The following SV2B variants were observed in gnomAD, a reference collection of about 807,000 sequenced individuals.
SV2B encodes solute carrier family 22 member B2.
SV2B carries 41 observed loss-of-function variants against 73.9 expected under a neutral mutation model. That is an observed-to-expected ratio of 0.56 (90% confidence interval 0.43 to 0.72). The LOEUF (loss-of-function observed/expected upper bound fraction) is 0.72, where lower values mean the gene tolerates loss of function less well. Ranked by LOEUF, SV2B falls within the 30% of genes least tolerant of loss-of-function variation. The pLI, the probability that SV2B is intolerant of heterozygous loss-of-function variation, is 0.00. For synonymous variants in SV2B, 314 were observed against 314.2 expected (o/e 1.00, Z 0.01); for missense variants, 764 against 857.8 (o/e 0.89, Z 1.37).
At chr15:91,114,182 T>C (rs2042114070) in intron 1 of SV2B, among the ~76,000 whole-genome samples, 1 of 39,668 alleles carries the variant, frequency 2.5e-5, no homozygotes, top group African/African-American at 1.3e-4. Flanking sequence ...AGACTCCATC[T>C]CAAAAAAAAA....
intron 1 of SV2B, among the ~76,000 whole-genome samples, chr15:91,191,151 C>T (rs113473179): frequency 0.083 from 12,021 of 144,648 alleles, 757 homozygotes; most frequent in African/African-American, 0.17. Context: ...CTGCAACCTC[C>T]GCCTCCCGGG....
chr15:91,175,027 T>C (rs1454776711), intron 1 of SV2B, among the ~76,000 whole-genome samples: 3 of 152,196 alleles, frequency 2.0e-5, no homozygotes, highest in Admixed American at 2.0e-4. Flanking sequence ...GCTATGTCGC[T>C]ATATGGGAGC....
At position 91,252,367 on chromosome 15, in the gene SV2B, A is replaced by G; in HGVS notation, c.633-2A>G. On this transcript the variant is annotated splice_acceptor_variant, in intron 3 of 12. Coordinates refer to ENST00000394232, the MANE Select transcript of SV2B (RefSeq NM_001323032.3). LOFTEE classifies it high-confidence loss of function. This position sits in a 1 kb window ranked among gnomAD's most constrained non-coding sequence, Gnocchi z 4.6. Reference sequence around the variant, plus strand: ...TTTCTCTCTGGCATTTTTCCTTTGCAGTATTGGGGGTGCTCTACCGATTGT... The same window carrying G: ...TTTCTCTCTGGCATTTTTCCTTTGCGGTATTGGGGGTGCTCTACCGATTGT... The G allele has an allele frequency of 6.3e-7, 1 of 1,598,652 alleles. No individual in the cohort carries two copies. The highest frequency in any genetic ancestry group is 8.5e-7 in the Non-Finnish European group (1 of 1,173,178).
chr15:91,188,707 C>G (rs1407791123), intron 1 of SV2B, among the ~76,000 whole-genome samples: 1 of 152,110 alleles, frequency 6.6e-6, no homozygotes, highest in Non-Finnish European at 1.5e-5. Flanking sequence ...TCTGAACACT[C>G]TTATTTTTAT....
At chr15:91,108,860 G>A (rs1239992225) in intron 1 of SV2B, among the ~76,000 whole-genome samples, 1 of 152,190 alleles carries the variant, frequency 6.6e-6, no homozygotes, top group East Asian at 1.9e-4. Flanking sequence ...ACCCACACCT[G>A]GGTTCCCTGC....
Position 91,226,652 on chromosome 15 carries a change from G to A in SV2B, c.389G>A (p.Ser130Asn), listed in dbSNP as rs766842438. The A allele has an allele frequency of 2.5e-6, 4 of 1,613,832 alleles. No individual in the cohort carries two copies. The African/African-American group carries it at 5.3e-5, about 22-fold the overall frequency. ...MADGVEVFVV[S>N]FALPSAEKDM... is the part of the protein sequence containing the mutation. Reference sequence around the variant, plus strand: ...GATGGGGTGGAAGTGTTCGTGGTGAGTTTTGCCCTGCCCAGTGCAGAGAAG... The same window carrying A: ...GATGGGGTGGAAGTGTTCGTGGTGAATTTTGCCCTGCCCAGTGCAGAGAAG... The change falls in exon 2 of 13, where the codon AGT (serine) becomes AAT (asparagine). Residue 130 changes from serine to asparagine, a missense_variant. Ser to Asn is a conservative substitution (Grantham distance 46). Transcript: ENST00000394232.
intron 2 of SV2B, among the ~76,000 whole-genome samples, chr15:91,247,146 C>G (rs957895239): frequency 3.3e-5 from 5 of 152,118 alleles, no homozygotes; most frequent in African/African-American, 4.8e-5. Flanking sequence ...CTCTCTGGTA[C>G]CTCCATGACC....
intron 1 of SV2B, among the ~76,000 whole-genome samples, chr15:91,182,869 C>A (rs1461154986): frequency 6.6e-6 from 1 of 152,202 alleles, no homozygotes; most frequent in African/African-American, 2.4e-5. Context: ...GATGTACACA[C>A]AACTGCCAAG....
At chr15:91,202,109 C>G (rs1487609960) in intron 1 of SV2B, among the ~76,000 whole-genome samples, 1 of 152,192 alleles carries the variant, frequency 6.6e-6, no homozygotes, top group African/African-American at 2.4e-5. Flanking sequence ...ATCATGAGAT[C>G]TCTCCTCACT....
intron 1 of SV2B, among the ~76,000 whole-genome samples, chr15:91,171,563 C>T (rs911042661): frequency 7.9e-5 from 12 of 152,128 alleles, no homozygotes; most frequent in African/African-American, 2.9e-4. Context: ...GTCATGTTGG[C>T]AGCTAATTTT....
At chr15:91,191,277 C>T (rs1033560032) in intron 1 of SV2B, among the ~76,000 whole-genome samples, 3 of 151,866 alleles carry the variant, frequency 2.0e-5, no homozygotes, top group African/African-American at 7.3e-5. Flanking sequence ...CCTCTTTGAT[C>T]AAACTTTGTA....
rs950546507 is a variant in SV2B at position 91,100,724 on chromosome 15, T to C, written c.-392+361T>C. Among the ~76,000 whole-genome samples, 1 of 152,258 alleles carries C rather than the reference T, an allele frequency of 6.6e-6. No individual in the cohort carries two copies. The highest frequency in any genetic ancestry group is 1.5e-5 in the Non-Finnish European group (1 of 68,052). Reference sequence around the variant, plus strand: ...CCTAGCCGCTGCTTTTAGTTTCAGTTACATTCTAGTAGATAGATTTTGTTA... The same window carrying C: ...CCTAGCCGCTGCTTTTAGTTTCAGTCACATTCTAGTAGATAGATTTTGTTA... On this transcript the variant is annotated intron_variant, in intron 1 of 12. Coordinates refer to ENST00000394232, the MANE Select transcript of SV2B (RefSeq NM_001323032.3). This position sits in a 1 kb window ranked among gnomAD's most constrained non-coding sequence, Gnocchi z 6.4.
chr15:91,283,940 G>C lies in SV2B; in HGVS notation c.1508-81G>C. ...TGGCACAGCCTGCCTACAGGAGGGG[G>C]CAGACTTCATCCCTGCCTCTGCCTT... On this transcript the variant is annotated intron_variant, in intron 10 of 12. Transcript: ENST00000394232. The surrounding 1 kb of genome is among the most constrained non-coding windows in gnomAD (Gnocchi z 4.3). The C allele has an allele frequency of 6.8e-7, 1 of 1,465,274 alleles. No homozygotes were observed. Among genetic ancestry groups the C allele is most frequent in the Non-Finnish European group, 9.5e-7 (1 of 1,054,230 alleles). The allele number at this position is 1,465,274 out of a possible 1,614,324, so 90.8% of individuals were successfully genotyped here. A position where few individuals can be genotyped will look rare whatever the true frequency, so the allele number is the denominator to read the frequency against.
chr15:91,133,611 G>A (rs568099330), intron 1 of SV2B, among the ~76,000 whole-genome samples: 1 of 152,122 alleles, frequency 6.6e-6, no homozygotes, highest in Non-Finnish European at 1.5e-5. Flanking sequence ...GGGGACAGGC[G>A]GCAGGGCTTC....
rs907224272 is a variant in SV2B at position 91,132,773 on chromosome 15, G to A, written c.-392+32410G>A. On this transcript the variant is annotated intron_variant, in intron 1 of 12. Coordinates refer to ENST00000394232, the MANE Select transcript of SV2B (RefSeq NM_001323032.3). This position sits in a 1 kb window ranked among gnomAD's most constrained non-coding sequence, Gnocchi z 4.6. ...GAGGATCCGTTGAGCCCAGGAGTTT[G>A]AGGCTGCAGTGAGCTATAGTCGCAC... Among the ~76,000 whole-genome samples the A allele has an allele frequency of 6.6e-6, 1 of 152,144 alleles. No homozygotes were observed. Among genetic ancestry groups the A allele is most frequent in the Non-Finnish European group, 1.5e-5 (1 of 68,028 alleles).
intron 9 of SV2B, among the ~76,000 whole-genome samples, chr15:91,270,337 C>T (rs562244491): frequency 4.6e-5 from 7 of 152,276 alleles, no homozygotes; most frequent in African/African-American, 4.8e-5. Context: ...AAGTGCCTTA[C>T]GTAGATATCT....
At position 91,267,698 on chromosome 15, in the gene SV2B, T is replaced by C. The variant is rs2048154286; in HGVS notation, c.1208+55T>C. 7.4e-7 allele frequency: 1 copy of C among 1,348,710 alleles called. No individual in the cohort carries two copies. 83.5% of individuals were successfully genotyped at this position (1,348,710 alleles called of 1,614,324 possible). On this transcript the variant is annotated intron_variant, in intron 8 of 12. Transcript: ENST00000394232. The surrounding 1 kb of genome is among the most constrained non-coding windows in gnomAD (Gnocchi z 4.3). ...TTCCCTGTGCCTCAGTGGCCTCCTT[T>C]ACACATTGAGGATTACAGTGAGTTC...
chr15:91,147,412 G>T (rs143326700), intron 1 of SV2B, among the ~76,000 whole-genome samples: 1 of 152,188 alleles, frequency 6.6e-6, no homozygotes, highest in African/African-American at 2.4e-5. Flanking sequence ...CTCTTGGGTC[G>T]TGTCATTTCA....
Position 91,100,397 on chromosome 15 carries a change from G to A in SV2B, c.-392+34G>A, listed in dbSNP as rs1325998153. The A allele has an allele frequency of 2.6e-5, 4 of 152,346 alleles. No individual in the cohort carries two copies. The highest frequency in any genetic ancestry group is 4.1e-4 in the South Asian group (2 of 4,838). 9.4% of individuals were successfully genotyped at this position (152,346 alleles called of 1,614,324 possible). A position where few individuals can be genotyped will look rare whatever the true frequency, so the allele number is the denominator to read the frequency against. ...CTGCGTTGCTCGCTGCGGTGCAACC[G>A]ACCCAGCCGGGGCGCGGACCCCGCG... On this transcript the variant is annotated intron_variant, in intron 1 of 12. Coordinates refer to ENST00000394232, the MANE Select transcript of SV2B (RefSeq NM_001323032.3). The surrounding 1 kb of genome is among the most constrained non-coding windows in gnomAD (Gnocchi z 6.4).
Sources: gnomAD v4.1 joint callset for allele counts (sites outside exome capture counted in the v4.1 genomes callset) on GRCh38, gnomAD v4.1.1 for gene constraint, Gnocchi (gnomAD v3.1) non-coding constraint, MANE v1.5 for transcripts, NCBI Gene and HGNC (gene_info 2026-07-23, HGNC 2026-07-21) for gene names.